The following DSC3 variants were observed in gnomAD, a reference collection of about 807,000 sequenced individuals.
DSC3 encodes desmocollin 3.
DSC3 carries 97 observed loss-of-function variants against 89.5 expected under a neutral mutation model. That is an observed-to-expected ratio of 1.08 (90% CI 0.92 to 1.28). The LOEUF is 1.28. DSC3 is among the 50% of genes most tolerant of loss of function. The probability of loss-of-function intolerance (pLI) is 0.00; values close to 1 mark genes in which losing one functional copy is unlikely to be tolerated. For missense variants in DSC3, 1,199 were observed against 1,085.3 expected, an observed-to-expected ratio of 1.10 and a Z score of -1.47; for synonymous variants, 436 against 384.1, an observed-to-expected ratio of 1.14 and a Z score of -1.58.
chr18:31,019,649 T>C (rs1598542966), intron 7 of DSC3, among the ~76,000 whole-genome samples: 2 of 152,222 alleles, frequency 1.3e-5, no homozygotes, highest in Middle Eastern at 3.4e-3. Flanking sequence ...AAAATTTAGC[T>C]GGGCATGGTG....
At chr18:31,020,602 T>C (rs972838207) in intron 7 of DSC3, among the ~76,000 whole-genome samples, 1 of 152,134 alleles carries the variant, frequency 6.6e-6, no homozygotes, top group Non-Finnish European at 1.5e-5. Flanking sequence ...TTTCCCTCTA[T>C]CTCTTCCCTC....
At chr18:31,038,715 A>ATG (rs1394368169) in intron 1 of DSC3, among the ~76,000 whole-genome samples, 1 of 152,092 alleles carries the variant, frequency 6.6e-6, no homozygotes, top group Non-Finnish European at 1.5e-5. Context: ...TACATATAGC[A>ATG]TGTGTGTGTT....
At chr18:31,017,320 C>T (rs1286529556) in intron 9 of DSC3, among the ~76,000 whole-genome samples, 3 of 152,062 alleles carry the variant, frequency 2.0e-5, no homozygotes, top group Non-Finnish European at 1.5e-5. Context: ...GGCAGATAAG[C>T]CTCTTTCAAT....
At chr18:31,030,566 G>A (rs1342569237) in intron 3 of DSC3, among the ~76,000 whole-genome samples, 1 of 152,146 alleles carries the variant, frequency 6.6e-6, no homozygotes, top group Non-Finnish European at 1.5e-5. Flanking sequence ...GAATGTAGAG[G>A]TGGAAGAAGC....
At chr18:31,014,619 T>G (rs1298689240) in intron 9 of DSC3, among the ~76,000 whole-genome samples, 1 of 152,158 alleles carries the variant, frequency 6.6e-6, no homozygotes, top group East Asian at 1.9e-4. Flanking sequence ...GTTAAGCACT[T>G]GGCAAAGTGT....
intron 15 of DSC3, among the ~76,000 whole-genome samples, chr18:30,995,675 C>T (rs1334505694): frequency 6.6e-6 from 1 of 152,138 alleles, no homozygotes. Flanking sequence ...GTTTTAAAAG[C>T]TTCATAGAGG....
chr18:30,999,685 T>C (rs193208204), intron 14 of DSC3, among the ~76,000 whole-genome samples: 171 of 152,294 alleles, frequency 1.1e-3, no homozygotes, highest in Admixed American at 1.8e-3. Flanking sequence ...TCTTTATCCA[T>C]GTCAATAATT....
chr18:31,026,591 G>C (rs1280230240), intron 4 of DSC3, among the ~76,000 whole-genome samples: 8 of 152,034 alleles, frequency 5.3e-5, no homozygotes, highest in Non-Finnish European at 1.2e-4. Context: ...TTAGATTCTG[G>C]ATATAATTTA....
chr18:31,015,326 G>A (rs1300106643), intron 9 of DSC3, among the ~76,000 whole-genome samples: 2 of 152,058 alleles, frequency 1.3e-5, no homozygotes, highest in African/African-American at 4.8e-5. Flanking sequence ...ACAAATGCAT[G>A]TCAGTCACAT....
chr18:31,040,221 CAA>C (rs1464114557), intron 1 of DSC3, among the ~76,000 whole-genome samples: 1 of 152,000 alleles, frequency 6.6e-6, no homozygotes, highest in Non-Finnish European at 1.5e-5. Flanking sequence ...GCCCTTTTAA[CAA>C]AATGATGGAT....
In DSC3 at chr18:31,006,926, C is replaced by T. The variant is rs1046951020; in HGVS notation, c.1869G>A (p.Trp623Ter). 1.2e-6 allele frequency: 2 copies of T among 1,613,202 alleles called. No individual in the cohort carries two copies. The highest frequency in any genetic ancestry group is 1.7e-6 in the Non-Finnish European group (2 of 1,179,424). The change falls in exon 12 of 16, where the codon TGG becomes TGA. Residue 623 changes from tryptophan (W) to a stop codon, truncating the protein, a stop_gained. Coordinates refer to ENST00000360428, the MANE Select transcript of DSC3 (RefSeq NM_001941.5). LOFTEE classifies it high-confidence loss of function. ...PNTSPEISRLWSLTKVNDTAA... is the reference protein window; with the variant it reads ...PNTSPEISRL Reference sequence around the variant, plus strand: ...AAATACCATTAACTTTGGTGAGGCTCCACAGTCTACTGATTTCTGGAGAAG... The same window carrying T: ...AAATACCATTAACTTTGGTGAGGCTTCACAGTCTACTGATTTCTGGAGAAG...
chr18:30,991,735 C>T lies in DSC3; in HGVS notation c.*2440G>A, dbSNP rs1488152882. ...CTTACAGAGAATTCCATTCTCAGAC[C>T]AATATTTTGTGCCCTGAGTTCTTTC... On this transcript the variant is annotated 3_prime_UTR_variant, in exon 16 of 16. Coordinates refer to ENST00000360428, the MANE Select transcript of DSC3 (RefSeq NM_001941.5). 6.6e-6 allele frequency: 1 copy of T among 152,176 alleles called. No individual in the cohort carries two copies. Among genetic ancestry groups the T allele is most frequent in the Non-Finnish European group, 1.5e-5 (1 of 68,048 alleles). 9.4% of individuals were successfully genotyped at this position (152,176 alleles called of 1,614,324 possible). A position where few individuals can be genotyped will look rare whatever the true frequency, so the allele number is the denominator to read the frequency against.
At position 30,991,508 on chromosome 18, in the gene DSC3, G is replaced by A. The variant is rs1438588902; in HGVS notation, c.*2667C>T. The A allele has an allele frequency of 6.6e-6, 1 of 152,186 alleles. No homozygotes were observed. The highest frequency in any genetic ancestry group is 1.5e-5 in the Non-Finnish European group (1 of 68,028). The allele number at this position is 152,186 out of a possible 1,614,324, so 9.4% of individuals were successfully genotyped here. ...CCAGGTGGTTTTCAGCATGTTCAAA[G>A]AACAAAGAGATGGTTAGAGGTTTTA... On this transcript the variant is annotated 3_prime_UTR_variant, in exon 16 of 16. Transcript: ENST00000360428.
chr18:31,041,902 C>T (rs946320539), intron 1 of DSC3, among the ~76,000 whole-genome samples: 1 of 152,116 alleles, frequency 6.6e-6, no homozygotes, highest in Non-Finnish European at 1.5e-5. Flanking sequence ...CGCCTCCACA[C>T]CTCGGCAGCA....
chr18:31,012,510 C>G (rs1985103889), intron 9 of DSC3, among the ~76,000 whole-genome samples: 1 of 152,158 alleles, frequency 6.6e-6, no homozygotes, highest in African/African-American at 2.4e-5. Context: ...TCTGGACATT[C>G]AACACCTGAC....
At chr18:31,034,185 T>G (rs1985897607) in intron 1 of DSC3, among the ~76,000 whole-genome samples, 2 of 151,858 alleles carry the variant, frequency 1.3e-5, no homozygotes, top group Admixed American at 1.3e-4. Flanking sequence ...TTCCTGCAAC[T>G]CAATAATAAA....
intron 8 of DSC3, 125 bp downstream of exon 8, chr18:31,018,540 AT>A: frequency 1.8e-6 from 2 of 1,130,960 alleles, no homozygotes; most frequent in Non-Finnish European, 2.5e-6. Context: ...TTAAACTTTA[AT>A]TTTATTCATA....
At chr18:31,009,008 T>A (rs1023418096) in intron 9 of DSC3, among the ~76,000 whole-genome samples, 14 of 152,174 alleles carry the variant, frequency 9.2e-5, no homozygotes, top group Admixed American at 6.5e-5. Flanking sequence ...ATGATTTCAT[T>A]TTCTGTCTCA....
Position 31,006,998 on chromosome 18 carries a change from A to G in DSC3, c.1797T>C (p.Pro599=), listed in dbSNP as rs1313586. Residue 599 remains proline (P), a synonymous_variant, in exon 12 of 16, where the codon CCT becomes CCC. Transcript: ENST00000360428. ...ATGGAGCTCCATGGACAGGTTCATC[A>G]GGATCAACAGCTAAAATGTCGGTAT... is the stretch of plus-strand genomic sequence containing the variant. ...MGYTDILAVD[P]DEPVHGAPFY... 0.37 allele frequency: 589,351 copies of G among 1,613,310 alleles called. 119,486 individuals carry two copies. The highest frequency in any genetic ancestry group is 0.77 in the African/African-American group (57,395 of 74,910).
Sources: gnomAD v4.1 joint callset for allele counts (sites outside exome capture counted in the v4.1 genomes callset) on GRCh38, gnomAD v4.1.1 for gene constraint, MANE v1.5 for transcripts, NCBI Gene and HGNC (gene_info 2026-07-23, HGNC 2026-07-21) for gene names.